Variants in GABRA1 observed in about 807,000 individuals in gnomAD.
GABRA1 encodes the protein gamma-aminobutyric acid type A receptor subunit alpha1.
A neutral mutation model predicts 48.9 loss-of-function variants in GABRA1; 9 were observed. That is an observed-to-expected ratio of 0.18 (90% CI 0.11 to 0.32). GABRA1 has a LOEUF of 0.32. Ranked by LOEUF, GABRA1 falls within the 10% of genes least tolerant of loss-of-function variation. GABRA1 has a pLI of 1.00. For synonymous variants in GABRA1, 210 were observed against 198.7 expected (o/e 1.06, Z -0.48); for missense variants, 285 against 553.8 (o/e 0.51, Z 4.87).
intron 1 of GABRA1, 106 bp downstream of exon 1, chr5:161,848,528 C>CGGGGGGG (rs1450654848): frequency 1.1e-3 from 6 of 5,510 alleles, no homozygotes; most frequent in Admixed American, 3.4e-3. Context: ...CGGGGGGAGA[C>CGGGGGGG]GGGGGGAGAG....
chr5:161,865,805 T>C lies in GABRA1; in HGVS notation c.255+17T>C. The stretch of plus-strand genomic sequence containing the variant: ...CATGATATGGTAAGTGGACACTTTA[T>C]CTTTGCTTTTCTTGAAGAATTTTTA... On this transcript the variant is annotated intron_variant, in intron 4 of 9. Transcript: ENST00000393943. 5 of 1,601,098 alleles carry C rather than the reference T, an allele frequency of 3.1e-6. No homozygotes were observed. The highest frequency in any genetic ancestry group is 4.3e-6 in the Non-Finnish European group (5 of 1,168,504).
intron 2 of GABRA1, among the ~76,000 whole-genome samples, chr5:161,853,274 A>G (rs1757521640): frequency 1.3e-5 from 2 of 151,836 alleles, no homozygotes; most frequent in African/African-American, 2.4e-5. Flanking sequence ...AAACACAAAG[A>G]CTAATAATGG....
chr5:161,851,301 G>C (rs966526103), intron 2 of GABRA1, among the ~76,000 whole-genome samples: 3 of 152,098 alleles, frequency 2.0e-5, no homozygotes, highest in South Asian at 2.1e-4. Flanking sequence ...GAAATGGAAA[G>C]TTTTAAATAA....
chr5:161,853,559 G>C (rs1394966576), intron 2 of GABRA1: 1 of 151,766 alleles, frequency 6.6e-6, no homozygotes, highest in Non-Finnish European at 1.5e-5. Context: ...TGTTTGAGCA[G>C]ACAAATTTTA....
intron 3 of GABRA1, among the ~76,000 whole-genome samples, chr5:161,856,041 G>A (rs1757630986): frequency 6.6e-6 from 1 of 151,272 alleles, no homozygotes; most frequent in Non-Finnish European, 1.5e-5. Context: ...AACTGTGACT[G>A]TTCATTTCCT....
chr5:161,852,944 T>C (rs1757508811), intron 2 of GABRA1, among the ~76,000 whole-genome samples: 5 of 151,956 alleles, frequency 3.3e-5, no homozygotes, highest in Admixed American at 3.3e-4. Context: ...CAAATGTTAC[T>C]ATTTTTCTTA....
intron 4 of GABRA1, among the ~76,000 whole-genome samples, chr5:161,872,553 G>T (rs558936379): frequency 6.6e-6 from 1 of 151,990 alleles, no homozygotes; most frequent in Admixed American, 6.6e-5. Flanking sequence ...TAATGTGTAG[G>T]ATAATTGAAA....
chr5:161,865,704 A>G lies in GABRA1; in HGVS notation c.188-17A>G, dbSNP rs776767335. On this transcript the variant is annotated splice_polypyrimidine_tract_variant and intron_variant, in intron 3 of 9. Transcript: ENST00000393943. ...CGGTTGACAGACACTCACTCGCCCA[A>G]TTTCCTGCTTCAACAGAGCGTGTAA... The G allele has an allele frequency of 5.0e-6, 8 of 1,611,492 alleles. No individual in the cohort carries two copies. The highest frequency in any genetic ancestry group is 1.1e-5 in the South Asian group (1 of 91,058).
At chr5:161,849,123 A>G (rs891896772) in intron 1 of GABRA1, 3 of 305,978 alleles carry the variant, frequency 9.8e-6, no homozygotes, top group Non-Finnish European at 1.9e-5. Flanking sequence ...TTAAACTATT[A>G]TGTTTGTATT....
At chr5:161,851,820 A>C (rs1421346658) in intron 2 of GABRA1, among the ~76,000 whole-genome samples, 2 of 152,166 alleles carry the variant, frequency 1.3e-5, no homozygotes, top group Non-Finnish European at 2.9e-5. Flanking sequence ...ATTATCAGAT[A>C]TCCTTAATGA....
At chr5:161,882,971 A>G (rs1038693760) in intron 7 of GABRA1, among the ~76,000 whole-genome samples, 1 of 152,022 alleles carries the variant, frequency 6.6e-6, no homozygotes, top group Non-Finnish European at 1.5e-5. Flanking sequence ...AGCTATGTGA[A>G]CTCTTAGAGA....
intron 8 of GABRA1, among the ~76,000 whole-genome samples, chr5:161,892,182 C>T (rs990208861): frequency 4.6e-5 from 7 of 152,074 alleles, no homozygotes; most frequent in Non-Finnish European, 1.0e-4. Flanking sequence ...ATCACCACTA[C>T]GTATTTATTG....
chr5:161,875,075 C>G (rs1469494652), intron 5 of GABRA1, among the ~76,000 whole-genome samples: 1 of 152,056 alleles, frequency 6.6e-6, no homozygotes, highest in Non-Finnish European at 1.5e-5. Context: ...AGGACACATC[C>G]CCCTTCAGCT....
chr5:161,888,489 AT>A (rs1754945623), intron 7 of GABRA1, among the ~76,000 whole-genome samples: 1 of 152,126 alleles, frequency 6.6e-6, no homozygotes, highest in African/African-American at 2.4e-5. Context: ...CAAAAATTAT[AT>A]TCTTTTCAGG....
intron 4 of GABRA1, among the ~76,000 whole-genome samples, chr5:161,868,723 G>A (rs961539171): frequency 6.6e-6 from 1 of 152,116 alleles, no homozygotes; most frequent in Non-Finnish European, 1.5e-5. Context: ...GAAGCCACAG[G>A]CGATCAAAAG....
intron 3 of GABRA1, among the ~76,000 whole-genome samples, chr5:161,861,911 C>T (rs981980208): frequency 1.3e-5 from 2 of 151,754 alleles, no homozygotes; most frequent in East Asian, 1.9e-4. Context: ...TCAATAGACA[C>T]AAAATAGCTT....
chr5:161,858,285 T>C (rs1447426682), intron 3 of GABRA1, among the ~76,000 whole-genome samples: 1 of 151,682 alleles, frequency 6.6e-6, no homozygotes, highest in Non-Finnish European at 1.5e-5. Flanking sequence ...AAAAATTAAA[T>C]AATGCTCCTG....
At chr5:161,888,678 G>A (rs1166281818) in intron 7 of GABRA1, among the ~76,000 whole-genome samples, 1 of 151,966 alleles carries the variant, frequency 6.6e-6, no homozygotes, top group Non-Finnish European at 1.5e-5. Context: ...GTGAAGTGTA[G>A]CATGGGTATG....
intron 2 of GABRA1, among the ~76,000 whole-genome samples, chr5:161,851,706 TA>T (rs146969113): frequency 0.028 from 4,318 of 152,266 alleles, 203 homozygotes; most frequent in African/African-American, 0.098. Context: ...GGAGATGGAA[TA>T]GTCTGGAAAG....
Sources: gnomAD v4.1 joint callset for allele counts (sites outside exome capture counted in the v4.1 genomes callset) on GRCh38, gnomAD v4.1.1 for gene constraint, MANE v1.5 for transcripts, NCBI Gene and HGNC (gene_info 2026-07-23, HGNC 2026-07-21) for gene names.